The following DLGAP1 variants were observed in gnomAD, a reference collection of about 807,000 sequenced individuals.
DLGAP1 encodes disks large-associated protein 1.
A neutral mutation model predicts 90.8 loss-of-function variants in DLGAP1; 11 were observed. The observed-to-expected ratio is 0.12, with a 90% CI of 0.08 to 0.20. The LOEUF is 0.20. DLGAP1 is among the 10% of genes least tolerant of loss of function. The pLI is 1.00. For missense variants in DLGAP1, 1,050 were observed against 1,333.8 expected, an observed-to-expected ratio of 0.79 and a Z score of 3.31; for synonymous variants, 558 against 540.7, an observed-to-expected ratio of 1.03 and a Z score of -0.44.
chr18:4,127,269 T>A (rs1317823104), intron 2 of DLGAP1, among the ~76,000 whole-genome samples: 1 of 152,132 alleles, frequency 6.6e-6, no homozygotes, highest in East Asian at 1.9e-4. Context: ...AGAAAATAGA[T>A]TAGCAGTCAA....
chr18:3,700,735 G>A (rs545753503), intron 7 of DLGAP1, among the ~76,000 whole-genome samples: 5 of 150,550 alleles, frequency 3.3e-5, no homozygotes, highest in African/African-American at 1.2e-4. Flanking sequence ...TCAGCCTCCC[G>A]AGTAGCTGGG....
chr18:3,984,981 C>T (rs889572105), intron 3 of DLGAP1, among the ~76,000 whole-genome samples: 4 of 152,156 alleles, frequency 2.6e-5, no homozygotes, highest in Non-Finnish European at 5.9e-5. Context: ...GGAGCTATGT[C>T]TTATTTCCAC....
intron 1 of DLGAP1, among the ~76,000 whole-genome samples, chr18:4,390,225 A>G (rs1230783149): frequency 2.0e-5 from 3 of 151,836 alleles, no homozygotes; most frequent in Admixed American, 6.6e-5. Flanking sequence ...TTATGTTTTT[A>G]TAGCAGTTTT....
intron 10 of DLGAP1, among the ~76,000 whole-genome samples, chr18:3,533,407 A>G (rs1236604023): frequency 3.3e-5 from 5 of 152,230 alleles, no homozygotes; most frequent in Non-Finnish European, 5.9e-5. Flanking sequence ...ATCCTAAGAG[A>G]AAGTGCCTGT....
At chr18:4,186,900 T>C (rs1256902846) in intron 1 of DLGAP1, among the ~76,000 whole-genome samples, 1 of 152,178 alleles carries the variant, frequency 6.6e-6, no homozygotes, top group African/African-American at 2.4e-5. Flanking sequence ...TCCACAAGCA[T>C]GGGATGTTTT....
chr18:3,828,842 G>A (rs1303261858), intron 4 of DLGAP1, among the ~76,000 whole-genome samples: 1 of 151,964 alleles, frequency 6.6e-6, no homozygotes, highest in African/African-American at 2.4e-5. Context: ...AAAATCATTA[G>A]TACTAACAAT....
chr18:3,559,723 A>G (rs2053964799), intron 9 of DLGAP1, among the ~76,000 whole-genome samples: 1 of 151,554 alleles, frequency 6.6e-6, no homozygotes, highest in Non-Finnish European at 1.5e-5. Flanking sequence ...CCTGGGTTCA[A>G]GTGATTCTTC....
At chr18:3,858,221 T>G (rs2069771500) in intron 4 of DLGAP1, among the ~76,000 whole-genome samples, 1 of 152,138 alleles carries the variant, frequency 6.6e-6, no homozygotes, top group African/African-American at 2.4e-5. Context: ...CATTTTTACT[T>G]TTCTCTTTCC....
chr18:3,932,494 G>C (rs2072541580), intron 3 of DLGAP1, among the ~76,000 whole-genome samples: 1 of 152,180 alleles, frequency 6.6e-6, no homozygotes, highest in Non-Finnish European at 1.5e-5. Flanking sequence ...ACCCTTGCGG[G>C]GGAGCCTAGG....
At chr18:3,999,204 A>G (rs563807878) in intron 3 of DLGAP1, among the ~76,000 whole-genome samples, 2 of 152,070 alleles carry the variant, frequency 1.3e-5, no homozygotes, top group South Asian at 2.1e-4. Context: ...ATTGATATAT[A>G]TTTGTATTTT....
chr18:4,109,219 T>C (rs2075926683), intron 2 of DLGAP1, among the ~76,000 whole-genome samples: 1 of 151,972 alleles, frequency 6.6e-6, no homozygotes, highest in Non-Finnish European at 1.5e-5. Context: ...CTAAGCTATA[T>C]CACTTGATGA....
chr18:3,570,187 G>A (rs776907740), intron 8 of DLGAP1, among the ~76,000 whole-genome samples: 1 of 151,830 alleles, frequency 6.6e-6, no homozygotes, highest in East Asian at 2.0e-4. Context: ...ATTTTCCCAG[G>A]TGTATCCCTG....
intron 8 of DLGAP1, among the ~76,000 whole-genome samples, chr18:3,568,316 G>T (rs1235928346): frequency 2.0e-5 from 3 of 152,074 alleles, no homozygotes; most frequent in Non-Finnish European, 4.4e-5. Context: ...ATAAACTATA[G>T]AGTGTCTTCA....
chr18:3,753,167 G>A (rs2063572963), intron 5 of DLGAP1, among the ~76,000 whole-genome samples: 1 of 152,084 alleles, frequency 6.6e-6, no homozygotes, highest in African/African-American at 2.4e-5. Flanking sequence ...CCAAAGGCAG[G>A]GAACGAACAA....
At chr18:3,522,363 C>T (rs1458759199) in intron 10 of DLGAP1, among the ~76,000 whole-genome samples, 2 of 151,182 alleles carry the variant, frequency 1.3e-5, no homozygotes, top group Non-Finnish European at 2.9e-5. Context: ...TCTCAAAGTC[C>T]TGACCTCAAG....
chr18:3,887,974 G>A (rs986006884), intron 3 of DLGAP1, among the ~76,000 whole-genome samples: 16 of 151,866 alleles, frequency 1.1e-4, no homozygotes, highest in African/African-American at 3.1e-4. Context: ...CAGGCGTGGT[G>A]GCGGGCGCCT....
At chr18:4,109,223 TTGA>T (rs1478191378) in intron 2 of DLGAP1, among the ~76,000 whole-genome samples, 1 of 152,010 alleles carries the variant, frequency 6.6e-6, no homozygotes, top group East Asian at 1.9e-4. Flanking sequence ...GCTATATCAC[TTGA>T]TGATCAGATC....
chr18:3,786,581 C>T (rs1158169834), intron 5 of DLGAP1, among the ~76,000 whole-genome samples: 4 of 152,174 alleles, frequency 2.6e-5, no homozygotes, highest in African/African-American at 9.7e-5. Flanking sequence ...AACTCTCCAA[C>T]TTCAGCAGTC....
chr18:4,297,836 A>G (rs1402557154), intron 1 of DLGAP1, among the ~76,000 whole-genome samples: 4 of 152,042 alleles, frequency 2.6e-5, no homozygotes, highest in African/African-American at 9.7e-5. Flanking sequence ...GTAGCCCATG[A>G]AAGTTTAGTC....
Sources: gnomAD v4.1 joint callset for allele counts (sites outside exome capture counted in the v4.1 genomes callset) on GRCh38, gnomAD v4.1.1 for gene constraint, MANE v1.5 for transcripts, NCBI Gene and HGNC (gene_info 2026-07-23, HGNC 2026-07-21) for gene names.